Variants in SLC47A2 observed in about 807,000 individuals in gnomAD.
The protein encoded by SLC47A2 is multidrug and toxin extrusion protein 2.
Under a neutral mutation model 67.7 loss-of-function variants are expected in SLC47A2, and 52 were observed. That is an observed-to-expected ratio of 0.77 (90% CI 0.61 to 0.97). The LOEUF (loss-of-function observed/expected upper bound fraction) is 0.97. Among genes scored for constraint, SLC47A2 ranks in the 50% least tolerant of loss-of-function variants. SLC47A2 has a pLI of 0.00. For missense variants in SLC47A2, 676 were observed against 712.3 expected (o/e 0.95, Z 0.58); for synonymous variants, 278 against 292.9 (o/e 0.95, Z 0.52).
chr17:19,680,701 T>C (rs1422471626), intron 15 of SLC47A2, among the ~76,000 whole-genome samples: 1 of 152,126 alleles, frequency 6.6e-6, no homozygotes, highest in East Asian at 1.9e-4. Flanking sequence ...AAGAGGATGG[T>C]GGGCAGGGTG....
At chr17:19,705,631 A>C in intron 9 of SLC47A2, 128 bp from the exon 10 acceptor site, 3 of 828,648 alleles carry the variant, frequency 3.6e-6, no homozygotes, top group South Asian at 2.0e-5. Flanking sequence ...ACAGGGTCTC[A>C]CTCTGTCGCT....
chr17:19,714,949 C>T lies in SLC47A2; in HGVS notation c.226-160G>A. 3 of 1,240,824 alleles carry T rather than the reference C, an allele frequency of 2.4e-6. No individual in the cohort carries two copies. The South Asian group carries it at 3.7e-5, about 15-fold the overall frequency. The allele number at this position is 1,240,824 out of a possible 1,614,324, so 76.9% of individuals were successfully genotyped here. A position where few individuals can be genotyped will look rare whatever the true frequency, so the allele number is the denominator to read the frequency against. On this transcript the variant is annotated intron_variant, in intron 2 of 16. Coordinates refer to ENST00000433844, the MANE Select transcript of SLC47A2 (RefSeq NM_001099646.3). ...ATGTGCTGTGTGCCCCAGGGCCAGA[C>T]CGCCTCCATCTCCGGCCCTCAGGTT...
chr17:19,704,045 C>A, intron 11 of SLC47A2, 25 bp downstream of exon 11: 5 of 1,563,616 alleles, frequency 3.2e-6, no homozygotes, highest in Admixed American at 1.8e-5. Flanking sequence ...CGTTTGAAGG[C>A]CCACCAGGAG....
At chr17:19,711,116 C>G (rs1050944465) in intron 5 of SLC47A2, among the ~76,000 whole-genome samples, 5 of 151,890 alleles carry the variant, frequency 3.3e-5, no homozygotes, top group Admixed American at 6.6e-5. Flanking sequence ...GCTCAAAATT[C>G]TTTAAGTCAG....
chr17:19,715,196 AAGTC>A lies in SLC47A2; in HGVS notation c.141_144del (p.Thr48LeufsTer2), dbSNP rs767662208. On this transcript the variant is annotated frameshift_variant, in exon 2 of 17. Transcript: ENST00000433844. LOFTEE classifies it high-confidence loss of function. Reference sequence around the variant, plus strand: ...ACAGTGCTCACGATGTAGATCATAAAAGTCAGCACCTGGAACAGGAACTGGAGGA... The same window carrying A: ...ACAGTGCTCACGATGTAGATCATAAAAGCACCTGGAACAGGAACTGGAGGA... The A allele has an allele frequency of 2.5e-6, 4 of 1,611,036 alleles. No homozygotes were observed. The highest frequency in any genetic ancestry group is 3.4e-6 in the Non-Finnish European group (4 of 1,179,970).
intron 13 of SLC47A2, among the ~76,000 whole-genome samples, chr17:19,690,602 G>A (rs1373487619): frequency 1.3e-5 from 2 of 152,040 alleles, no homozygotes; most frequent in Non-Finnish European, 2.9e-5. Context: ...ATTTAAAAAT[G>A]GACAGAAATA....
At chr17:19,693,992 A>G (rs577415531) in intron 13 of SLC47A2, among the ~76,000 whole-genome samples, 1 of 152,246 alleles carries the variant, frequency 6.6e-6, no homozygotes, top group Non-Finnish European at 1.5e-5. Context: ...AAACATGAAC[A>G]ATCTAAAATG....
At chr17:19,681,703 GGAT>G (rs2085319939) in intron 13 of SLC47A2, 33 bp from the exon 14 acceptor site, 4 of 1,590,628 alleles carry the variant, frequency 2.5e-6, no homozygotes, top group Non-Finnish European at 3.4e-6. Flanking sequence ...GCAAGAGTCA[GGAT>G]GATGAGACTA....
intron 10 of SLC47A2, chr17:19,704,926 A>G: frequency 2.3e-6 from 1 of 426,426 alleles, no homozygotes; most frequent in Non-Finnish European, 4.1e-6. Flanking sequence ...CCCGGGTTCA[A>G]GTGATTCTTC....
chr17:19,679,010 C>T (rs1418214728), intron 16 of SLC47A2, 104 bp from the exon 17 acceptor site: 7 of 917,034 alleles, frequency 7.6e-6, no homozygotes, highest in Middle Eastern at 2.1e-4. Context: ...GTGTTTGTTA[C>T]ACCTCACAAG....
chr17:19,692,262 A>C (rs1446773070), intron 13 of SLC47A2: 2 of 431,576 alleles, frequency 4.6e-6, no homozygotes, highest in African/African-American at 2.1e-5. Context: ...AGATCCATAA[A>C]ATTGACCCAC....
chr17:19,714,434 G>A, intron 3 of SLC47A2: 1 of 527,592 alleles, frequency 1.9e-6, no homozygotes, highest in Non-Finnish European at 3.4e-6. Flanking sequence ...ATTGAGGCTG[G>A]GGAACCGGTT....
In SLC47A2 at chr17:19,714,793, G is replaced by A. The variant is rs746414303; in HGVS notation, c.226-4C>T. The A allele has an allele frequency of 4.8e-5, 78 of 1,614,060 alleles. 1 individual carries two copies. The East Asian group carries it at 7.4e-4, about 15-fold the overall frequency. On this transcript the variant is annotated splice_region_variant and splice_polypyrimidine_tract_variant and intron_variant, in intron 2 of 16. Coordinates refer to ENST00000433844, the MANE Select transcript of SLC47A2 (RefSeq NM_001099646.3). ...AAACTCCGCAGACATTGACAAACTG[G>A]CGCCACACACAGGAGGAAACAAGAG... is the stretch of plus-strand genomic sequence containing the variant.
rs145838875 is a variant in SLC47A2, at chr17:19,687,913, C to T, written c.1165-6243G>A. ...GTGTAATCATAAGTCTCCTAGCAAG[C>T]AAAAGCCCAGGACCCAATGACTTCA... On this transcript the variant is annotated intron_variant, in intron 13 of 16. Coordinates refer to ENST00000433844, the MANE Select transcript of SLC47A2 (RefSeq NM_001099646.3). Among the ~76,000 whole-genome samples, 55 of 152,234 alleles carry T rather than the reference C, an allele frequency of 3.6e-4. No individual in the cohort carries two copies. The East Asian group carries it at 7.7e-3, about 21-fold the overall frequency.
At chr17:19,680,193 T>G (rs969626995) in intron 15 of SLC47A2, among the ~76,000 whole-genome samples, 154 bp from the exon 16 acceptor site, 3 of 152,214 alleles carry the variant, frequency 2.0e-5, no homozygotes, top group Admixed American at 1.3e-4. Context: ...AGTATCATTT[T>G]AAGGCTGGGC....
chr17:19,712,897 C>G, intron 4 of SLC47A2, 152 bp from the exon 5 acceptor site: 1 of 705,508 alleles, frequency 1.4e-6, no homozygotes, highest in Non-Finnish European at 2.4e-6. Context: ...CTGCTGCTTC[C>G]AGATGGTAAG....
At chr17:19,706,608 C>T (rs199780136) in intron 9 of SLC47A2, 40 bp downstream of exon 9, 86 of 1,497,738 alleles carry the variant, frequency 5.7e-5, no homozygotes, top group Non-Finnish European at 7.2e-5. Flanking sequence ...CTGGGTGAGC[C>T]GCCCACACGC....
chr17:19,683,165 C>T (rs1463790326), intron 13 of SLC47A2, among the ~76,000 whole-genome samples: 1 of 151,968 alleles, frequency 6.6e-6, no homozygotes, highest in Non-Finnish European at 1.5e-5. Context: ...ATTGATGTAC[C>T]CTGGACCAGT....
Position 19,679,954 on chromosome 17 carries a change from G to A in SLC47A2, c.1478C>T (p.Ser493Leu). ...AGAAGCAGCGGTGACAGTATTACCT[G>A]AAGATAGGACTGCTTTCTCAGGCCC... ...RPGPEKAVLS[S>L]VATGSSPGIT... The change falls in exon 16 of 17, where the codon TCA becomes TTA. Residue 493 changes from serine to leucine, a missense_variant and splice_region_variant. Coordinates refer to ENST00000433844, the MANE Select transcript of SLC47A2 (RefSeq NM_001099646.3). The A allele has an allele frequency of 6.2e-7, 1 of 1,613,302 alleles. No individual in the cohort carries two copies. Among genetic ancestry groups the A allele is most frequent in the South Asian group, 1.1e-5 (1 of 90,984 alleles).
Sources: gnomAD v4.1 joint callset for allele counts (sites outside exome capture counted in the v4.1 genomes callset) on GRCh38, gnomAD v4.1.1 for gene constraint, MANE v1.5 for transcripts, NCBI Gene and HGNC (gene_info 2026-07-23, HGNC 2026-07-21) for gene names.